RYR2: variants seen among roughly 807,000 people sequenced by gnomAD.
RYR2 encodes ryanodine receptor 2.
A neutral mutation model predicts 601.1 loss-of-function variants in RYR2; 227 were observed. The ratio of observed to expected loss-of-function variants is 0.38; its 90% CI spans 0.34 to 0.42. The LOEUF is 0.42. Ranked by LOEUF, RYR2 falls within the 10% of genes least tolerant of loss-of-function variation. The pLI, the probability that RYR2 is intolerant of heterozygous loss-of-function variation, is 1.00. For synonymous variants in RYR2, 2,223 were observed against 2,175.1 expected (o/e 1.02, Z -0.61); for missense variants, 4,646 against 6,156.5 (o/e 0.75, Z 8.21).
intron 1 of RYR2, among the ~76,000 whole-genome samples, chr1:237,080,684 A>T (rs1572559354): frequency 1.6e-5 from 1 of 63,552 alleles, no homozygotes; most frequent in Non-Finnish European, 4.0e-5. Context: ...TGTTGGTGGG[A>T]CTGTAAACTA....
intron 34 of RYR2, among the ~76,000 whole-genome samples, chr1:237,596,488 A>G (rs1236491051): frequency 1.3e-5 from 2 of 152,188 alleles, no homozygotes; most frequent in East Asian, 3.8e-4. Flanking sequence ...GTCTTTTGAA[A>G]TAACCCATCC....
At chr1:237,313,197 C>A (rs890031514) in intron 2 of RYR2, among the ~76,000 whole-genome samples, 4 of 149,728 alleles carry the variant, frequency 2.7e-5, no homozygotes, top group Non-Finnish European at 4.4e-5. Flanking sequence ...CTCCTTTTTG[C>A]AAATGTGTGT....
intron 1 of RYR2, among the ~76,000 whole-genome samples, chr1:237,221,039 T>A (rs1683748412): frequency 6.6e-6 from 1 of 152,012 alleles, no homozygotes. Context: ...GAGTTTGCAG[T>A]GAGCCGAGAT....
intron 3 of RYR2, among the ~76,000 whole-genome samples, chr1:237,352,043 ATTTAT>A (rs1163287820): frequency 6.6e-6 from 1 of 151,570 alleles, no homozygotes; most frequent in Non-Finnish European, 1.5e-5. Flanking sequence ...ATAAAAAAAT[ATTTAT>A]TTTAACAGAT....
intron 1 of RYR2, among the ~76,000 whole-genome samples, chr1:237,194,363 C>G (rs528464871): frequency 6.6e-6 from 1 of 152,200 alleles, no homozygotes; most frequent in South Asian, 2.1e-4. Flanking sequence ...TTTGTTGGAC[C>G]CACCGTACTA....
chr1:237,305,660 G>A (rs1232901566), intron 2 of RYR2, among the ~76,000 whole-genome samples: 1 of 152,148 alleles, frequency 6.6e-6, no homozygotes, highest in Non-Finnish European at 1.5e-5. Context: ...TTGAACTCCT[G>A]GGCTCAGGTG....
chr1:237,117,392 A>T (rs193293728), intron 1 of RYR2, among the ~76,000 whole-genome samples: 29 of 152,174 alleles, frequency 1.9e-4, no homozygotes, highest in African/African-American at 5.8e-4. Context: ...GGAAAATGTC[A>T]TGTTGTATAC....
intron 27 of RYR2, among the ~76,000 whole-genome samples, chr1:237,564,542 T>C (rs1671773868): frequency 6.6e-6 from 1 of 152,190 alleles, no homozygotes; most frequent in South Asian, 2.1e-4. Flanking sequence ...AGTGTTGGGA[T>C]AACAGGTGTG....
chr1:237,726,061 G>A (rs1249491784), intron 74 of RYR2, among the ~76,000 whole-genome samples: 2 of 152,048 alleles, frequency 1.3e-5, no homozygotes, highest in Non-Finnish European at 2.9e-5. Context: ...TTGTCACCAC[G>A]TGTTTATTGA....
In RYR2 at chr1:237,454,592, C is replaced by G. The variant is rs571820450; in HGVS notation, c.1476+18C>G. The G allele has an allele frequency of 4.7e-5, 76 of 1,609,360 alleles. No individual in the cohort carries two copies. The South Asian group carries it at 8.3e-4, about 18-fold the overall frequency. ...AGGAAGAGGTCCGTTTCTATCAACACTCATTTCTCTTCTGTTATTCTCTTG... is the reference window on the plus strand; with the variant it reads ...AGGAAGAGGTCCGTTTCTATCAACAGTCATTTCTCTTCTGTTATTCTCTTG... On this transcript the variant is annotated intron_variant, in intron 15 of 104. Coordinates refer to ENST00000366574, the MANE Select transcript of RYR2 (RefSeq NM_001035.3).
chr1:237,074,964 G>C (rs1420807063), intron 1 of RYR2, among the ~76,000 whole-genome samples: 1 of 152,142 alleles, frequency 6.6e-6, no homozygotes, highest in East Asian at 1.9e-4. Context: ...TCTCGGAGAG[G>C]GATCTGGGCT....
intron 77 of RYR2, 128 bp from the exon 78 acceptor site, chr1:237,731,918 A>ACCCC: frequency 1.6e-6 from 1 of 607,276 alleles, no homozygotes; most frequent in Admixed American, 2.7e-5. Context: ...ACACACACAC[A>ACCCC]CCCCACAACA....
At chr1:237,101,065 G>A (rs1308807726) in intron 1 of RYR2, among the ~76,000 whole-genome samples, 1 of 152,094 alleles carries the variant, frequency 6.6e-6, no homozygotes, top group Admixed American at 6.5e-5. Context: ...TTCCTTCAAG[G>A]TTCAGAGGCT....
intron 101 of RYR2, among the ~76,000 whole-genome samples, chr1:237,823,418 C>T (rs572855056): frequency 6.6e-6 from 1 of 152,256 alleles, no homozygotes; most frequent in East Asian, 1.9e-4. Flanking sequence ...ACAACCTGCT[C>T]CTGAATGACT....
intron 16 of RYR2, among the ~76,000 whole-genome samples, chr1:237,462,887 A>T (rs1035069654): frequency 2.6e-5 from 4 of 152,120 alleles, no homozygotes; most frequent in African/African-American, 7.2e-5. Context: ...TATAAACAAG[A>T]CACATCCTTT....
intron 13 of RYR2, among the ~76,000 whole-genome samples, chr1:237,444,570 A>G (rs982536001): frequency 2.2e-4 from 34 of 152,214 alleles, no homozygotes; most frequent in African/African-American, 8.0e-4. Flanking sequence ...CTACTTATAT[A>G]TAGTACACAA....
intron 2 of RYR2, among the ~76,000 whole-genome samples, chr1:237,318,860 G>A (rs1423835709): frequency 6.6e-6 from 1 of 152,018 alleles, no homozygotes; most frequent in Non-Finnish European, 1.5e-5. Flanking sequence ...TCATCAAATT[G>A]GAAGTTTGGG....
rs752236592 is a variant in RYR2 at position 237,778,773 on chromosome 1, A to T, written c.11880+3A>T. ...ATATGCAGATGAAGCTGTCGCAGGT[A>T]AACTAACTAACTGCCTTCCTCTCTC... On this transcript the variant is annotated splice_donor_region_variant and intron_variant, in intron 88 of 104. Transcript: ENST00000366574. The T allele has an allele frequency of 1.3e-6, 2 of 1,504,798 alleles. No homozygotes were observed. The highest frequency in any genetic ancestry group is 1.1e-5 in the South Asian group (1 of 88,762). The allele number at this position is 1,504,798 out of a possible 1,614,324, so 93.2% of individuals were successfully genotyped here.
intron 95 of RYR2, 74 bp from the exon 96 acceptor site, chr1:237,795,215 T>C: frequency 1.4e-6 from 1 of 714,290 alleles, no homozygotes; most frequent in Non-Finnish European, 2.3e-6. Context: ...AAGTATGCCA[T>C]ATATCCCAAA....
Sources: allele counts gnomAD v4.1 joint callset (sites outside exome capture counted in the v4.1 genomes callset), GRCh38; gene constraint gnomAD v4.1.1; transcripts MANE v1.5; gene names NCBI Gene and HGNC (gene_info 2026-07-23, HGNC 2026-07-21).